DOCK2: variants seen among roughly 807,000 people sequenced by gnomAD.
The protein encoded by DOCK2 is dedicator of cytokinesis protein 2.
DOCK2 carries 87 observed loss-of-function variants against 248.9 expected under a neutral mutation model. That is an observed-to-expected ratio of 0.35 (90% CI 0.29 to 0.42). The LOEUF (loss-of-function observed/expected upper bound fraction) is 0.42. Ranked by LOEUF, DOCK2 falls within the 10% of genes least tolerant of loss-of-function variation. The pLI is 1.00. For missense variants in DOCK2, 1,747 were observed against 2,300.2 expected, an observed-to-expected ratio of 0.76 and a Z score of 4.92; for synonymous variants, 805 against 821.6, an observed-to-expected ratio of 0.98 and a Z score of 0.35.
rs749664205 is a variant in DOCK2, at chr5:170,056,745, G to A, written c.4357G>A (p.Val1453Ile). ...CTCCCGGCCCGTGCGCAGGGGGACC[G>A]TAGACCCAGAGAATGAGTTTGCTGT... Reference protein sequence around the residue: ...HYSRPVRRGTVDPENEFASMW... With the variant: ...HYSRPVRRGTIDPENEFASMW... Residue 1453 changes from valine (V) to isoleucine (I), a missense_variant, in exon 43 of 52, where the codon GTA becomes ATA. By Grantham distance (29) the Val-to-Ile change is conservative. This residue lies in a region of DOCK2 where 513 missense variants were observed against 586.1 expected (regional missense o/e 0.88). Transcript: ENST00000520908. The A allele has an allele frequency of 7.4e-6, 12 of 1,613,850 alleles. No individual in the cohort carries two copies. Among genetic ancestry groups the A allele is most frequent in the Admixed American group, 6.7e-5 (4 of 59,992 alleles).
At chr5:170,070,843 A>C (rs991041110) in intron 46 of DOCK2, among the ~76,000 whole-genome samples, 1 of 152,348 alleles carries the variant, frequency 6.6e-6, no homozygotes, top group African/African-American at 2.4e-5. Flanking sequence ...GCGAATACCA[A>C]GCTGTACCTT....
rs1171208340 is a variant in DOCK2 at position 169,690,684 on chromosome 5, C to G, written c.843+1351C>G. ...AGGCCTTCCTGATTAAACCACAAGA[C>G]AGATGTTGCATGAGAGGGAGAAGAA... On this transcript the variant is annotated intron_variant, in intron 9 of 51. Transcript: ENST00000520908. Among the ~76,000 whole-genome samples the G allele has an allele frequency of 2.6e-5, 4 of 152,164 alleles. 1 individual carries two copies. Among genetic ancestry groups the G allele is most frequent in the African/African-American group, 9.7e-5 (4 of 41,424 alleles).
chr5:169,938,386 A>G (rs1419818228), intron 27 of DOCK2, among the ~76,000 whole-genome samples: 2 of 152,166 alleles, frequency 1.3e-5, no homozygotes, highest in Non-Finnish European at 2.9e-5. Flanking sequence ...ACGAAGCTAG[A>G]TGAGAGCCTA....
intron 22 of DOCK2, among the ~76,000 whole-genome samples, chr5:169,728,849 G>C (rs1234585283): frequency 6.6e-6 from 1 of 152,170 alleles, no homozygotes; most frequent in Non-Finnish European, 1.5e-5. Flanking sequence ...TAAGACACTG[G>C]TCTTGTCTGC....
intron 2 of DOCK2, among the ~76,000 whole-genome samples, chr5:169,655,999 G>C (rs757428627): frequency 2.6e-5 from 4 of 152,172 alleles, no homozygotes; most frequent in Non-Finnish European, 2.9e-5. Flanking sequence ...AACCTTTTAC[G>C]CAAGGAGTGG....
chr5:169,996,901 C>T (rs1019976560), intron 30 of DOCK2, among the ~76,000 whole-genome samples: 1 of 152,106 alleles, frequency 6.6e-6, no homozygotes, highest in Non-Finnish European at 1.5e-5. Context: ...CCCTCCACAC[C>T]TGTGGGTGTT....
chr5:169,673,637 T>C (rs1185550893), intron 5 of DOCK2, among the ~76,000 whole-genome samples: 2 of 152,190 alleles, frequency 1.3e-5, no homozygotes, highest in Non-Finnish European at 2.9e-5. Context: ...CCTCCCGCCT[T>C]AGCCTCCGGA....
Position 169,699,382 on chromosome 5 carries a change from G to A in DOCK2, c.1056G>A (p.Pro352=), listed in dbSNP as rs766295414. ...TTTCATGCTCTCTTTTCCTTTCCAG[G>A]GTTACAGCTGAGAATGACTTCCTAC... ...EEKQHFIPFH[P]VTAENDFLHS... is the part of the protein sequence containing the mutation. The change falls in exon 12 of 52, where the codon CCG becomes CCA. Residue 352 remains proline (P), a splice_region_variant and synonymous_variant. Transcript: ENST00000520908. The A allele has an allele frequency of 1.2e-6, 2 of 1,613,028 alleles. No individual in the cohort carries two copies. Among genetic ancestry groups the A allele is most frequent in the Non-Finnish European group, 1.7e-6 (2 of 1,179,406 alleles).
At position 169,849,024 on chromosome 5, in the gene DOCK2, A is replaced by G. The variant is rs561584824; in HGVS notation, c.2799+8172A>G. 2.0e-5 allele frequency among the ~76,000 whole-genome samples: 3 copies of G among 152,208 alleles called. No homozygotes were observed. In the East Asian group the frequency reaches 5.8e-4, roughly 29 times the overall value. On this transcript the variant is annotated intron_variant, in intron 27 of 51. Coordinates refer to ENST00000520908, the MANE Select transcript of DOCK2 (RefSeq NM_004946.3). Reference sequence around the variant, plus strand: ...AGACTGAGTCAAGGACTGCAGCAGGACAGTAGCAACTCCTCCCAACCCCAG... The same window carrying G: ...AGACTGAGTCAAGGACTGCAGCAGGGCAGTAGCAACTCCTCCCAACCCCAG...
intron 44 of DOCK2, among the ~76,000 whole-genome samples, chr5:170,061,765 C>A (rs543298022): frequency 5.9e-5 from 9 of 152,326 alleles, no homozygotes; most frequent in Middle Eastern, 3.4e-3. Flanking sequence ...TTTTTAATGA[C>A]TTGTCTTAAA....
chr5:169,665,603 C>A (rs1043406525), intron 2 of DOCK2, among the ~76,000 whole-genome samples: 1 of 152,246 alleles, frequency 6.6e-6, no homozygotes, highest in African/African-American at 2.4e-5. Context: ...TAACACTTAT[C>A]CTGAAATCAG....
At chr5:169,708,126 C>T (rs750028981) in intron 14 of DOCK2, 43 bp from the exon 15 acceptor site, 8 of 1,593,984 alleles carry the variant, frequency 5.0e-6, no homozygotes, top group Middle Eastern at 1.7e-4. Flanking sequence ...CAGAAAATGA[C>T]AATTCTGTAG....
At chr5:169,765,468 C>T (rs116741375) in intron 25 of DOCK2, among the ~76,000 whole-genome samples, 16 of 152,326 alleles carry the variant, frequency 1.1e-4, no homozygotes, top group East Asian at 1.9e-4. Flanking sequence ...GGAGAAAGGA[C>T]GCACAGATAT....
At chr5:169,952,079 G>C (rs965954379) in intron 27 of DOCK2, among the ~76,000 whole-genome samples, 1 of 152,166 alleles carries the variant, frequency 6.6e-6, no homozygotes, top group African/African-American at 2.4e-5. Context: ...AGCCCCAAGG[G>C]TTTCTCCTAC....
chr5:169,803,543 C>T (rs903869380), intron 26 of DOCK2, among the ~76,000 whole-genome samples: 3 of 152,188 alleles, frequency 2.0e-5, no homozygotes, highest in African/African-American at 7.2e-5. Flanking sequence ...TATGCCTAGA[C>T]AGCAAGAAAA....
At position 169,700,104 on chromosome 5, in the gene DOCK2, C is replaced by T; in HGVS notation, c.1223C>T (p.Ala408Val). The change falls in exon 13 of 52, where the codon GCC becomes GTC. Residue 408 changes from alanine to valine, a missense_variant. Ala to Val is a moderately conservative substitution (Grantham distance 64). Coordinates refer to ENST00000520908, the MANE Select transcript of DOCK2 (RefSeq NM_004946.3). ...PHLVDRTTVV[A>V]RKLGFPEIIM... ...CTGGTGGACAGGACCACCGTGGTGGCCAGGAAGCTGGGATTCCCAGAGATC... is the reference window on the plus strand; with the variant it reads ...CTGGTGGACAGGACCACCGTGGTGGTCAGGAAGCTGGGATTCCCAGAGATC... 1 of 1,613,888 alleles carries T rather than the reference C, an allele frequency of 6.2e-7. No homozygotes were observed. The highest frequency in any genetic ancestry group is 1.3e-5 in the African/African-American group (1 of 75,026).
At position 170,055,330 on chromosome 5, in the gene DOCK2, T is replaced by C. The variant is rs1757085662; in HGVS notation, c.4239T>C (p.Pro1413=). 6.2e-7 allele frequency: 1 copy of C among 1,613,982 alleles called. No individual in the cohort carries two copies. The highest frequency in any genetic ancestry group is 1.3e-5 in the African/African-American group (1 of 74,930). Residue 1413 remains proline (P), a synonymous_variant, in exon 42 of 52, where the codon CCT becomes CCC. Coordinates refer to ENST00000520908, the MANE Select transcript of DOCK2 (RefSeq NM_004946.3). ...GQYIQCFTVQ[P]VLDEHPRFKN... ...ATATCCAGTGCTTCACTGTCCAGCCTGTCTTGGATGAACATCCCAGGTTCA... is the reference window on the plus strand; with the variant it reads ...ATATCCAGTGCTTCACTGTCCAGCCCGTCTTGGATGAACATCCCAGGTTCA...
chr5:169,770,891 T>C (rs1322219586), intron 25 of DOCK2, among the ~76,000 whole-genome samples: 1 of 152,238 alleles, frequency 6.6e-6, no homozygotes, highest in Non-Finnish European at 1.5e-5. Flanking sequence ...GTGTTTCTTC[T>C]ATTGAAAGCA....
Position 169,983,121 on chromosome 5 carries a change from C to G in DOCK2, c.2853C>G (p.His951Gln), listed in dbSNP as rs761842980. 8 of 1,614,098 alleles carry G rather than the reference C, an allele frequency of 5.0e-6. No individual in the cohort carries two copies. In the South Asian group the frequency reaches 8.8e-5, roughly 18 times the overall value. ...TCTTAAACCAGATGGGTGACCAGCA[C>G]TACTCCTTCTACATTGAGACCTTCC... ...TAILNQMGDQ[H>Q]YSFYIETFQT... Residue 951 changes from histidine to glutamine, a missense_variant, in exon 28 of 52, where the codon CAC becomes CAG. Around this residue, in one of 4 missense-constraint regions of DOCK2, gnomAD observed 858 missense variants for 1,183.5 expected, o/e 0.72. Transcript: ENST00000520908.
Sources: gnomAD v4.1 joint callset for allele counts (sites outside exome capture counted in the v4.1 genomes callset) on GRCh38, gnomAD v4.1.1 for gene constraint, gnomAD v4.1.1 regional missense constraint, MANE v1.5 for transcripts, NCBI Gene and HGNC (gene_info 2026-07-23, HGNC 2026-07-21) for gene names.